The following KMT2C variants were observed in gnomAD, a reference collection of about 807,000 sequenced individuals.
The protein encoded by KMT2C is histone-lysine N-methyltransferase 2C.
A neutral mutation model predicts 507.9 loss-of-function variants in KMT2C; 88 were observed. The ratio of observed to expected loss-of-function variants is 0.17; its 90% CI spans 0.15 to 0.21. KMT2C has a LOEUF of 0.21. KMT2C is among the 10% of genes least tolerant of loss of function. The pLI is 1.00. For synonymous variants in KMT2C, 2,049 were observed against 2,080.8 expected (o/e 0.98, Z 0.42); for missense variants, 4,954 against 5,957.8 (o/e 0.83, Z 5.55).
intron 3 of KMT2C, among the ~76,000 whole-genome samples, chr7:152,315,751 T>C (rs1245528629): frequency 2.0e-5 from 3 of 152,128 alleles, no homozygotes; most frequent in Non-Finnish European, 4.4e-5. Context: ...ACCCCATCTC[T>C]ACTAAAAATA....
chr7:152,429,417 G>A (rs1344164499), intron 1 of KMT2C, among the ~76,000 whole-genome samples: 1 of 152,118 alleles, frequency 6.6e-6, no homozygotes, highest in African/African-American at 2.4e-5. Context: ...AGTGCAAAAA[G>A]AGCTGTGTCA....
chr7:152,345,231 G>A (rs753703888), intron 2 of KMT2C, among the ~76,000 whole-genome samples: 1 of 151,826 alleles, frequency 6.6e-6, no homozygotes, highest in African/African-American at 2.4e-5. Flanking sequence ...GCGAGAACCC[G>A]TCCCTCCAAA....
At chr7:152,373,610 A>T (rs1175458827) in intron 1 of KMT2C, among the ~76,000 whole-genome samples, 2 of 152,234 alleles carry the variant, frequency 1.3e-5, no homozygotes, top group Non-Finnish European at 2.9e-5. Flanking sequence ...AAAGTGTCAT[A>T]ATTAGCAGAA....
intron 3 of KMT2C, among the ~76,000 whole-genome samples, chr7:152,328,348 G>A (rs554365933): frequency 1.3e-5 from 2 of 152,118 alleles, no homozygotes; most frequent in Non-Finnish European, 2.9e-5. Flanking sequence ...TGGCCCTTCA[G>A]AGGAGGCTAG....
At chr7:152,295,849 G>A (rs976399713) in intron 6 of KMT2C, among the ~76,000 whole-genome samples, 4 of 150,538 alleles carry the variant, frequency 2.7e-5, no homozygotes, top group African/African-American at 9.8e-5. Flanking sequence ...GGCAGATCAC[G>A]AGGTCAGGAG....
rs753190878 is a variant in KMT2C, at chr7:152,177,723, G to A, written c.7730C>T (p.Pro2577Leu). Reference protein sequence around the residue: ...DGRQRLPFSAPPGSVVEASSN... With the variant: ...DGRQRLPFSALPGSVVEASSN... Reference sequence around the variant, plus strand: ...AGATGCCTCTACAACGCTGCCAGGTGGAGCACTGAAAGGCAGCCGTTGCCT... The same window carrying A: ...AGATGCCTCTACAACGCTGCCAGGTAGAGCACTGAAAGGCAGCCGTTGCCT... The change falls in exon 38 of 59, where the codon CCA becomes CTA. Residue 2577 changes from proline (P) to leucine (L), a missense_variant. Coordinates refer to ENST00000262189, the MANE Select transcript of KMT2C (RefSeq NM_170606.3). The A allele has an allele frequency of 1.9e-6, 3 of 1,614,100 alleles. No homozygotes were observed. The highest frequency in any genetic ancestry group is 1.1e-5 in the South Asian group (1 of 91,064).
At chr7:152,220,268 C>A in intron 23 of KMT2C, 1 of 473,228 alleles carries the variant, frequency 2.1e-6, no homozygotes, top group Non-Finnish European at 3.8e-6. Context: ...AGTTCCCCAC[C>A]TGTGATCTTC....
At chr7:152,361,861 T>G (rs568340143) in intron 1 of KMT2C, among the ~76,000 whole-genome samples, 13 of 152,282 alleles carry the variant, frequency 8.5e-5, no homozygotes, top group African/African-American at 2.6e-4. Flanking sequence ...TAACTAATCA[T>G]TAGAGAGATA....
chr7:152,393,169 A>G (rs866993424), intron 1 of KMT2C, among the ~76,000 whole-genome samples: 3 of 152,204 alleles, frequency 2.0e-5, no homozygotes, highest in Non-Finnish European at 2.9e-5. Context: ...TTTTATAAAG[A>G]TAACTACCTG....
At chr7:152,184,098 A>G (rs1208635202) in intron 34 of KMT2C, among the ~76,000 whole-genome samples, 2 of 150,818 alleles carry the variant, frequency 1.3e-5, no homozygotes, top group Non-Finnish European at 3.0e-5. Context: ...AAAATTTAGA[A>G]AAAAGGAAAA....
intron 1 of KMT2C, among the ~76,000 whole-genome samples, chr7:152,417,445 C>G (rs766053280): frequency 3.8e-4 from 58 of 151,980 alleles, no homozygotes; most frequent in Non-Finnish European, 8.8e-5. Context: ...CACATATACC[C>G]TCTTTAAATC....
intron 1 of KMT2C, among the ~76,000 whole-genome samples, chr7:152,418,084 G>A (rs899744996): frequency 2.3e-4 from 35 of 151,864 alleles, no homozygotes; most frequent in Admixed American, 2.3e-3. Context: ...GGGACTACAG[G>A]TGTGCGCCAC....
At chr7:152,145,396 A>G (rs1412371633) in intron 53 of KMT2C, 101 bp from the exon 54 acceptor site, 1 of 1,172,840 alleles carries the variant, frequency 8.5e-7, no homozygotes, top group Admixed American at 2.2e-5. Context: ...ATAACTCATC[A>G]GCGTTTTCCC....
intron 52 of KMT2C, 101 bp from the exon 53 acceptor site, chr7:152,146,836 CA>C: frequency 9.7e-7 from 1 of 1,028,128 alleles, no homozygotes; most frequent in Non-Finnish European, 1.4e-6. Context: ...TACTAATTTC[CA>C]AATAAATCCT....
At chr7:152,389,491 T>A (rs62668862) in intron 1 of KMT2C, among the ~76,000 whole-genome samples, 28 of 151,616 alleles carry the variant, frequency 1.8e-4, no homozygotes, top group East Asian at 5.8e-4. Flanking sequence ...TTTTTTTTTT[T>A]AAATACCTGG....
At chr7:152,285,785 G>A (rs1300835849) in intron 6 of KMT2C, among the ~76,000 whole-genome samples, 1 of 152,246 alleles carries the variant, frequency 6.6e-6, no homozygotes, top group Non-Finnish European at 1.5e-5. Flanking sequence ...AGGATTTTGA[G>A]AGCAGCCTAG....
At chr7:152,270,934 T>C (rs929192879) in intron 7 of KMT2C, among the ~76,000 whole-genome samples, 2 of 152,232 alleles carry the variant, frequency 1.3e-5, no homozygotes, top group African/African-American at 4.8e-5. Flanking sequence ...TTCTCAACTT[T>C]TATAAAAAGA....
At chr7:152,146,558 G>C in intron 53 of KMT2C, 41 bp downstream of exon 53, 1 of 1,606,846 alleles carries the variant, frequency 6.2e-7, no homozygotes, top group Non-Finnish European at 8.5e-7. Context: ...CACTGAATCA[G>C]GAAAGCAATT....
chr7:152,303,679 G>A (rs574823987), intron 6 of KMT2C, among the ~76,000 whole-genome samples: 1 of 152,196 alleles, frequency 6.6e-6, no homozygotes, highest in African/African-American at 2.4e-5. Context: ...CGCTGCAGAT[G>A]TTAAGTTACA....
Sources: allele counts gnomAD v4.1 joint callset (sites outside exome capture counted in the v4.1 genomes callset), GRCh38; gene constraint gnomAD v4.1.1; transcripts MANE v1.5; gene names NCBI Gene and HGNC (gene_info 2026-07-23, HGNC 2026-07-21).